The following TNR variants were observed in gnomAD, a reference collection of about 807,000 sequenced individuals.
TNR encodes the protein tenascin R, also known as tenascin-R.
A neutral mutation model predicts 150.4 loss-of-function variants in TNR; 45 were observed. The ratio of observed to expected loss-of-function variants is 0.30; its 90% CI spans 0.24 to 0.38. The LOEUF (loss-of-function observed/expected upper bound fraction) is 0.38. TNR is among the 10% of genes least tolerant of loss of function. The pLI is 1.00. For synonymous variants in TNR, 687 were observed against 678.4 expected, an observed-to-expected ratio of 1.01 and a Z score of -0.20; for missense variants, 1,544 against 1,759.1, an observed-to-expected ratio of 0.88 and a Z score of 2.19.
chr1:175,542,019 G>C (rs1188799409), intron 1 of TNR, among the ~76,000 whole-genome samples: 1 of 152,162 alleles, frequency 6.6e-6, no homozygotes, highest in Non-Finnish European at 1.5e-5. Context: ...ACCAATGCAA[G>C]CCATCAGAAG....
chr1:175,499,622 AC>A (rs752848398), intron 2 of TNR, among the ~76,000 whole-genome samples: 1 of 152,168 alleles, frequency 6.6e-6, no homozygotes, highest in Non-Finnish European at 1.5e-5. Context: ...TCTTCCTCTG[AC>A]TAGGTTTTTC....
At chr1:175,674,948 G>C (rs968155382) in intron 1 of TNR, among the ~76,000 whole-genome samples, 2 of 152,154 alleles carry the variant, frequency 1.3e-5, no homozygotes, top group African/African-American at 4.8e-5. Context: ...ATCTAATTTA[G>C]TGGGAGTGCA....
At chr1:175,452,648 T>C (rs1423729843) in intron 2 of TNR, among the ~76,000 whole-genome samples, 1 of 152,188 alleles carries the variant, frequency 6.6e-6, no homozygotes, top group East Asian at 1.9e-4. Flanking sequence ...CTGTGGGGCC[T>C]AGTGGATGAG....
chr1:175,639,486 C>T lies in TNR; in HGVS notation c.-165+103740G>A, dbSNP rs190406328. ...TCTATGCCCTCTTGCAGTGTTCTTC[C>T]TTTCTAATAAACTTTCCTTTTTCAA... On this transcript the variant is annotated intron_variant, in intron 1 of 22. Transcript: ENST00000367674. Among the ~76,000 whole-genome samples, 48 of 152,288 alleles carry T rather than the reference C, an allele frequency of 3.2e-4. No individual in the cohort carries two copies. The East Asian group carries it at 8.9e-3, about 28-fold the overall frequency.
At chr1:175,362,642 A>G (rs780674694) in intron 14 of TNR, 21 bp downstream of exon 14, 1 of 1,608,140 alleles carries the variant, frequency 6.2e-7, no homozygotes, top group African/African-American at 1.3e-5. Context: ...CTGACTTGAC[A>G]CAGCAGGGAG....
chr1:175,353,284 T>A (rs1048776078), intron 18 of TNR, among the ~76,000 whole-genome samples: 4 of 152,146 alleles, frequency 2.6e-5, no homozygotes, highest in African/African-American at 7.2e-5. Context: ...ATTTCCTCAT[T>A]TGTAAAAAAT....
intron 1 of TNR, among the ~76,000 whole-genome samples, chr1:175,732,120 G>T (rs1363991399): frequency 2.0e-5 from 3 of 152,160 alleles, no homozygotes; most frequent in African/African-American, 4.8e-5. Flanking sequence ...TACCATTAGG[G>T]TTCAATTTAT....
At chr1:175,722,705 T>C (rs1206936550) in intron 1 of TNR, among the ~76,000 whole-genome samples, 1 of 152,120 alleles carries the variant, frequency 6.6e-6, no homozygotes, top group Non-Finnish European at 1.5e-5. Flanking sequence ...GCTCAAGCAA[T>C]TTGCCTGCCT....
rs1650311644 is a variant in TNR at position 175,337,652 on chromosome 1, T to C, written c.3410A>G (p.Asp1137Gly). ...TCCATTCATCAAATGCTGGGCACAG[T>C]CTTGGGGATGAGGGAACACCCGGCC... ...TGGRVFPHPQ[D>G]CAQHLMNGDT... Residue 1137 changes from aspartate (D) to glycine (G), a missense_variant, in exon 19 of 23, where the codon GAC becomes GGC. Around this residue, in one of 2 missense-constraint regions of TNR, gnomAD observed 290 missense variants for 429.7 expected, o/e 0.67. Coordinates refer to ENST00000367674, the MANE Select transcript of TNR (RefSeq NM_003285.3). The C allele has an allele frequency of 6.2e-7, 1 of 1,614,022 alleles. No homozygotes were observed. The highest frequency in any genetic ancestry group is 8.5e-7 in the Non-Finnish European group (1 of 1,180,016).
intron 18 of TNR, among the ~76,000 whole-genome samples, chr1:175,346,563 G>GA (rs974623343): frequency 8.0e-5 from 12 of 150,932 alleles, no homozygotes; most frequent in East Asian, 7.7e-4. Context: ...GACAGAATAT[G>GA]AAAAAAAATA....
At chr1:175,730,749 T>C (rs1305395806) in intron 1 of TNR, among the ~76,000 whole-genome samples, 3 of 152,106 alleles carry the variant, frequency 2.0e-5, no homozygotes, top group Non-Finnish European at 4.4e-5. Context: ...ATAAATGTGA[T>C]AAACAAAAAT....
At chr1:175,715,694 C>T (rs369788544) in intron 1 of TNR, among the ~76,000 whole-genome samples, 17 of 152,154 alleles carry the variant, frequency 1.1e-4, no homozygotes, top group East Asian at 7.7e-4. Context: ...AGAGTGGGGG[C>T]TGATTACATT....
In TNR at chr1:175,335,926, G is replaced by A. The variant is rs569997318; in HGVS notation, c.3535-119C>T. 7.2e-5 allele frequency: 60 copies of A among 827,774 alleles called. 1 individual carries two copies. The South Asian group carries it at 1.0e-3, about 14-fold the overall frequency. The allele number at this position is 827,774 out of a possible 1,614,324, so 51.3% of individuals were successfully genotyped here. A position where few individuals can be genotyped will look rare whatever the true frequency, so the allele number is the denominator to read the frequency against. ...TATAACTGGGTTTTATATCTGCAAT[G>A]ACAAAGATGTCCAAAGAAGGAACAT... On this transcript the variant is annotated intron_variant, in intron 19 of 22. Coordinates refer to ENST00000367674, the MANE Select transcript of TNR (RefSeq NM_003285.3).
intron 1 of TNR, among the ~76,000 whole-genome samples, chr1:175,646,943 TCTGGTTAGTGG>T (rs1664827562): frequency 6.6e-6 from 1 of 152,184 alleles, no homozygotes; most frequent in Admixed American, 6.5e-5. Flanking sequence ...AGGTACCACA[TCTGGTTAGTGG>T]CTGAGCCAGG....
At chr1:175,532,558 T>A (rs2102180626) in intron 1 of TNR, among the ~76,000 whole-genome samples, 1 of 152,344 alleles carries the variant, frequency 6.6e-6, no homozygotes, top group East Asian at 1.9e-4. Flanking sequence ...AATTCTCCAT[T>A]TATCTACTGA....
intron 1 of TNR, among the ~76,000 whole-genome samples, chr1:175,684,722 G>A (rs150355423): frequency 1.3e-5 from 2 of 152,142 alleles, no homozygotes; most frequent in Non-Finnish European, 2.9e-5. Context: ...GAAAAAGAGT[G>A]CTCTATAGTT....
chr1:175,368,051 C>CTTG (rs1651921472), intron 9 of TNR, among the ~76,000 whole-genome samples: 2 of 152,138 alleles, frequency 1.3e-5, no homozygotes, highest in African/African-American at 4.8e-5. Flanking sequence ...TGAGAACCTC[C>CTTG]TAGAATATCT....
In TNR at chr1:175,330,211, G is replaced by A; in HGVS notation, c.3656C>T (p.Thr1219Ile). The change falls in exon 21 of 23, where the codon ACA (threonine) becomes ATA (isoleucine). Residue 1219 changes from threonine to isoleucine, a missense_variant. This residue lies in a region of TNR where 290 missense variants were observed against 429.7 expected (regional missense o/e 0.67). Coordinates refer to ENST00000367674, the MANE Select transcript of TNR (RefSeq NM_003285.3). ...GCGCAGCTCATAGCGGCCCTGGGAT[G>A]TGATCCTGTGTATATTGTCCAGCCC... is the stretch of plus-strand genomic sequence containing the variant. ...WLGLDNIHRI[T>I]SQGRYELRVD... is the part of the protein sequence containing the mutation. 1 of 1,606,126 alleles carries A rather than the reference G, an allele frequency of 6.2e-7. No homozygotes were observed. The highest frequency in any genetic ancestry group is 8.5e-7 in the Non-Finnish European group (1 of 1,174,198).
chr1:175,487,485 A>C (rs1658064022), intron 2 of TNR, among the ~76,000 whole-genome samples: 1 of 152,134 alleles, frequency 6.6e-6, no homozygotes, highest in African/African-American at 2.4e-5. Flanking sequence ...CCTTCTGGAA[A>C]CTGCTTTCTC....
Sources: gnomAD v4.1 joint callset for allele counts (sites outside exome capture counted in the v4.1 genomes callset) on GRCh38, gnomAD v4.1.1 for gene constraint, gnomAD v4.1.1 regional missense constraint, MANE v1.5 for transcripts, NCBI Gene and HGNC (gene_info 2026-07-23, HGNC 2026-07-21) for gene names.